Variants in SPRTN observed in about 807,000 individuals in gnomAD.
SPRTN encodes the protein SprT-like N-terminal domain, also known as DNA-dependent metalloprotease SPRTN.
Under a neutral mutation model 31.9 loss-of-function variants are expected in SPRTN, and 11 were observed. The observed-to-expected ratio is 0.34, with a 90% CI of 0.22 to 0.57. SPRTN has a LOEUF of 0.57. Among genes scored for constraint, SPRTN ranks in the 20% least tolerant of loss-of-function variants. SPRTN has a pLI of 0.86. For synonymous variants in SPRTN, 185 were observed against 212.1 expected (o/e 0.87, Z 1.11); for missense variants, 482 against 590.1 (o/e 0.82, Z 1.90).
intron 2 of SPRTN, among the ~76,000 whole-genome samples, chr1:231,343,914 G>A (rs1409289540): frequency 6.6e-6 from 1 of 152,046 alleles, no homozygotes; most frequent in Non-Finnish European, 1.5e-5. Context: ...AGACAACTGG[G>A]GGCATATTTA....
chr1:231,353,752 T>G lies in SPRTN; in HGVS notation c.*391T>G. 3.0e-6 allele frequency: 3 copies of G among 985,910 alleles called. No homozygotes were observed. The highest frequency in any genetic ancestry group is 3.6e-6 in the Non-Finnish European group (3 of 828,366). The allele number at this position is 985,910 out of a possible 1,614,324, so 61.1% of individuals were successfully genotyped here. A position where few individuals can be genotyped will look rare whatever the true frequency, so the allele number is the denominator to read the frequency against. On this transcript the variant is annotated 3_prime_UTR_variant, in exon 5 of 5. Coordinates refer to ENST00000295050, the MANE Select transcript of SPRTN (RefSeq NM_032018.7). ...GACTATTTATTAATAGTATTAGAACTCATTCCCTGAACTGATGTAAATCTT... is the reference window on the plus strand; with the variant it reads ...GACTATTTATTAATAGTATTAGAACGCATTCCCTGAACTGATGTAAATCTT...
intron 2 of SPRTN, among the ~76,000 whole-genome samples, chr1:231,341,816 G>T (rs1686900258): frequency 6.6e-6 from 1 of 152,066 alleles, no homozygotes; most frequent in African/African-American, 2.4e-5. Context: ...GTGAAACCCC[G>T]TCTCTACTAA....
At chr1:231,347,694 C>A in intron 2 of SPRTN, 103 bp from the exon 3 acceptor site, 2 of 1,338,052 alleles carry the variant, frequency 1.5e-6, no homozygotes, top group Non-Finnish European at 2.0e-6. Flanking sequence ...CTGAAGGAAG[C>A]CTGTGATACA....
rs1460679090 is a variant in SPRTN, at chr1:231,354,333, T to C, written c.*972T>C. 3 of 985,030 alleles carry C rather than the reference T, an allele frequency of 3.0e-6. No individual in the cohort carries two copies. The highest frequency in any genetic ancestry group is 3.5e-5 in the African/African-American group (2 of 57,260). 61.0% of individuals were successfully genotyped at this position (985,030 alleles called of 1,614,324 possible). On this transcript the variant is annotated 3_prime_UTR_variant, in exon 5 of 5. Transcript: ENST00000295050. ...ATCAGTTTGCTTTTTGTCTTGTGGC[T>C]GTACATGCTGTTGGCATAGCCCTAA...
At chr1:231,348,385 G>T (rs542148179) in intron 3 of SPRTN, among the ~76,000 whole-genome samples, 1 of 152,204 alleles carries the variant, frequency 6.6e-6, no homozygotes, top group African/African-American at 2.4e-5. Context: ...TCAAATCCTG[G>T]CTCCACCAAT....
rs557983727 is a variant in SPRTN, at chr1:231,344,210, C to T, written c.322-3587C>T. 3.3e-5 allele frequency among the ~76,000 whole-genome samples: 5 copies of T among 152,224 alleles called. No homozygotes were observed. The South Asian group carries it at 1.0e-3, about 32-fold the overall frequency. The stretch of plus-strand genomic sequence containing the variant: ...ACCTTTCTTGAATTTGAGTCTTCTT[C>T]GTTGAGCGGCATTTACTTGAAAAAT... On this transcript the variant is annotated intron_variant, in intron 2 of 4. Coordinates refer to ENST00000295050, the MANE Select transcript of SPRTN (RefSeq NM_032018.7).
Position 231,354,416 on chromosome 1 carries a change from A to G in SPRTN, c.*1055A>G, listed in dbSNP as rs922879128. Reference sequence around the variant, plus strand: ...TGCAATTTTCCTTCACTTTGTTGTAATACAGGTGCACAAATCTTAAGTGCA... The same window carrying G: ...TGCAATTTTCCTTCACTTTGTTGTAGTACAGGTGCACAAATCTTAAGTGCA... On this transcript the variant is annotated 3_prime_UTR_variant, in exon 5 of 5. Transcript: ENST00000295050. 1 of 983,108 alleles carries G rather than the reference A, an allele frequency of 1.0e-6. No homozygotes were observed. The highest frequency in any genetic ancestry group is 5.2e-4 in the Middle Eastern group (1 of 1,934). The allele number at this position is 983,108 out of a possible 1,614,324, so 60.9% of individuals were successfully genotyped here.
At chr1:231,344,189 T>C (rs1686982252) in intron 2 of SPRTN, among the ~76,000 whole-genome samples, 1 of 152,214 alleles carries the variant, frequency 6.6e-6, no homozygotes. Flanking sequence ...TGCAGTACCT[T>C]TCTTGAATTT....
chr1:231,353,729 C>G lies in SPRTN; in HGVS notation c.*368C>G. On this transcript the variant is annotated 3_prime_UTR_variant, in exon 5 of 5. Coordinates refer to ENST00000295050, the MANE Select transcript of SPRTN (RefSeq NM_032018.7). ...CCTGTCAGGTGTTTGGTTATATTGA[C>G]TATTTATTAATAGTATTAGAACTCA... 1.0e-6 allele frequency: 1 copy of G among 988,846 alleles called. No homozygotes were observed. Among genetic ancestry groups the G allele is most frequent in the Non-Finnish European group, 1.2e-6 (1 of 828,710 alleles). 61.3% of individuals were successfully genotyped at this position (988,846 alleles called of 1,614,324 possible). A position where few individuals can be genotyped will look rare whatever the true frequency, so the allele number is the denominator to read the frequency against.
At chr1:231,352,585 A>G in intron 4 of SPRTN, 25 bp from the exon 5 acceptor site, 1 of 1,540,070 alleles carries the variant, frequency 6.5e-7, no homozygotes, top group Non-Finnish European at 8.7e-7. Flanking sequence ...CACTTACATA[A>G]CAATCTTCTT....
In SPRTN at chr1:231,354,509, C is replaced by T. The variant is rs1226633674; in HGVS notation, c.*1148C>T. On this transcript the variant is annotated 3_prime_UTR_variant, in exon 5 of 5. Coordinates refer to ENST00000295050, the MANE Select transcript of SPRTN (RefSeq NM_032018.7). ...CCCGGATCAAGTTAGAGAACACTTCCATTGCCACAGAAGGCTTCCTATAGG... is the reference window on the plus strand; with the variant it reads ...CCCGGATCAAGTTAGAGAACACTTCTATTGCCACAGAAGGCTTCCTATAGG... 4.0e-6 allele frequency: 2 copies of T among 502,038 alleles called. No homozygotes were observed. The highest frequency in any genetic ancestry group is 2.6e-6 in the Non-Finnish European group (1 of 387,750). The allele number at this position is 502,038 out of a possible 1,614,324, so 31.1% of individuals were successfully genotyped here.
chr1:231,349,904 CGA>C (rs1687173297), intron 3 of SPRTN, among the ~76,000 whole-genome samples: 1 of 152,092 alleles, frequency 6.6e-6, no homozygotes, highest in Admixed American at 6.5e-5. Context: ...CGCGGCTACT[CGA>C]GAGGCAGAGG....
At position 231,353,543 on chromosome 1, in the gene SPRTN, C is replaced by T; in HGVS notation, c.*182C>T. The T allele has an allele frequency of 1.5e-6, 2 of 1,325,740 alleles. No individual in the cohort carries two copies. Among genetic ancestry groups the T allele is most frequent in the Non-Finnish European group, 1.9e-6 (2 of 1,042,894 alleles). 82.1% of individuals were successfully genotyped at this position (1,325,740 alleles called of 1,614,324 possible). ...TGTAATTTTAAGATGTTTTGTGTCT[C>T]AGGGTGCTACATTCACTCTTGCCTT... On this transcript the variant is annotated 3_prime_UTR_variant, in exon 5 of 5. Coordinates refer to ENST00000295050, the MANE Select transcript of SPRTN (RefSeq NM_032018.7).
chr1:231,347,822 C>T lies in SPRTN; in HGVS notation c.347C>T (p.Ala116Val). The T allele has an allele frequency of 6.2e-7, 1 of 1,613,160 alleles. No homozygotes were observed. Among genetic ancestry groups the T allele is most frequent in the Non-Finnish European group, 8.5e-7 (1 of 1,179,802 alleles). ...VETLLHEMIHAYLFVTNNDKD... is the reference protein window; with the variant it reads ...VETLLHEMIHVYLFVTNNDKD... ...ACCCTCCTGCATGAAATGATACATGCCTATTTATTTGTCACTAATAACGAC... is the reference window on the plus strand; with the variant it reads ...ACCCTCCTGCATGAAATGATACATGTCTATTTATTTGTCACTAATAACGAC... Residue 116 changes from alanine (A) to valine (V), a missense_variant, in exon 3 of 5, where the codon GCC (alanine) becomes GTC (valine). Physicochemically the swap from Ala to Val is moderately conservative, Grantham distance 64. Transcript: ENST00000295050.
At position 231,339,944 on chromosome 1, in the gene SPRTN, C is replaced by T. The variant is rs1049446829; in HGVS notation, c.321+76C>T. On this transcript the variant is annotated intron_variant, in intron 2 of 4. Transcript: ENST00000295050. ...TCAATGATTTAGACTGCTGTGAATT[C>T]GCCTGTATGTATCGTTAAAAAAAGT... is the stretch of plus-strand genomic sequence containing the variant. The T allele has an allele frequency of 1.1e-5, 15 of 1,394,336 alleles. No individual in the cohort carries two copies. In the East Asian group the frequency reaches 2.1e-4, roughly 19 times the overall value. 86.4% of individuals were successfully genotyped at this position (1,394,336 alleles called of 1,614,324 possible).
Position 231,353,780 on chromosome 1 carries a change from T to C in SPRTN, c.*419T>C. ...TTCCCTGAACTGATGTAAATCTTCA[T>C]AGTGTCAGACATACTGACCAAAACC... On this transcript the variant is annotated 3_prime_UTR_variant, in exon 5 of 5. Coordinates refer to ENST00000295050, the MANE Select transcript of SPRTN (RefSeq NM_032018.7). 2.0e-6 allele frequency: 2 copies of C among 983,318 alleles called. No individual in the cohort carries two copies. The highest frequency in any genetic ancestry group is 3.5e-5 in the African/African-American group (2 of 57,286). The allele number at this position is 983,318 out of a possible 1,614,324, so 60.9% of individuals were successfully genotyped here.
chr1:231,340,175 A>C, intron 2 of SPRTN: 1 of 205,208 alleles, frequency 4.9e-6, no homozygotes, highest in Non-Finnish European at 9.9e-6. Flanking sequence ...ATCCTAGCCA[A>C]CACGGTGAAA....
intron 2 of SPRTN, among the ~76,000 whole-genome samples, chr1:231,342,028 T>G (rs1034946156): frequency 3.3e-5 from 5 of 152,166 alleles, no homozygotes; most frequent in Non-Finnish European, 7.3e-5. Flanking sequence ...TCCTCCCGCC[T>G]CAGCCTCCCA....
In SPRTN at chr1:231,343,308, C is replaced by T. The variant is rs899355656; in HGVS notation, c.321+3440C>T. Among the ~76,000 whole-genome samples the T allele has an allele frequency of 3.3e-5, 5 of 151,738 alleles. No homozygotes were observed. In the East Asian group the frequency reaches 9.7e-4, roughly 29 times the overall value. On this transcript the variant is annotated intron_variant, in intron 2 of 4. Coordinates refer to ENST00000295050, the MANE Select transcript of SPRTN (RefSeq NM_032018.7). ...ACTCTATAGCCTAGGTATATATACT[C>T]TATAGCCTAGGTGTGTGTATATATA...
Sources: allele counts gnomAD v4.1 joint callset (sites outside exome capture counted in the v4.1 genomes callset), GRCh38; gene constraint gnomAD v4.1.1; transcripts MANE v1.5; gene names NCBI Gene and HGNC (gene_info 2026-07-23, HGNC 2026-07-21).